MED12L: variants seen among roughly 807,000 people sequenced by gnomAD.
The protein encoded by MED12L is mediator complex subunit 12L, also known as mediator of RNA polymerase II transcription subunit 12-like protein.
Under a neutral mutation model 281.3 loss-of-function variants are expected in MED12L, and 60 were observed. The ratio of observed to expected loss-of-function variants is 0.21; its 90% CI spans 0.17 to 0.26. The LOEUF is 0.26. Ranked by LOEUF, MED12L falls within the 10% of genes least tolerant of loss-of-function variation. The probability of loss-of-function intolerance (pLI) is 1.00; values close to 1 mark genes in which losing one functional copy is unlikely to be tolerated. For synonymous variants in MED12L, 974 were observed against 987.2 expected, an observed-to-expected ratio of 0.99 and a Z score of 0.25; for missense variants, 2,146 against 2,680.9, an observed-to-expected ratio of 0.80 and a Z score of 4.41.
Position 151,243,975 on chromosome 3 carries a change from T to C in MED12L, c.2250+50309T>C, listed in dbSNP as rs1347503292. Among the ~76,000 whole-genome samples the C allele has an allele frequency of 2.2e-3, 314 of 144,340 alleles. 1 individual carries two copies. Among genetic ancestry groups the C allele is most frequent in the African/African-American group, 7.3e-3 (292 of 39,828 alleles). The allele number at this position is 144,340 out of a possible 152,430, so 94.7% of individuals were successfully genotyped here. A position where few individuals can be genotyped will look rare whatever the true frequency, so the allele number is the denominator to read the frequency against. ...AGGCAGGGGTTGCAATACTAGTCTCTGATAAAACAGACTTTAAACCAACAA... is the reference window on the plus strand; with the variant it reads ...AGGCAGGGGTTGCAATACTAGTCTCCGATAAAACAGACTTTAAACCAACAA... On this transcript the variant is annotated intron_variant, in intron 16 of 44. Transcript: ENST00000687756.
intron 8 of MED12L, among the ~76,000 whole-genome samples, chr3:151,162,927 C>G (rs998433468): frequency 6.6e-6 from 1 of 152,120 alleles, no homozygotes; most frequent in African/African-American, 2.4e-5. Flanking sequence ...ATAGTTCTTA[C>G]TTCATTGCCT....
At chr3:151,103,605 C>A (rs887847837) in intron 2 of MED12L, among the ~76,000 whole-genome samples, 1 of 152,160 alleles carries the variant, frequency 6.6e-6, no homozygotes, top group South Asian at 2.1e-4. Flanking sequence ...TACAAAAGAT[C>A]ATAATTATAA....
intron 16 of MED12L, among the ~76,000 whole-genome samples, chr3:151,283,700 T>C (rs894745547): frequency 6.6e-6 from 1 of 152,244 alleles, no homozygotes; most frequent in Non-Finnish European, 1.5e-5. Context: ...ATTGAATATC[T>C]GTAACCAAAA....
intron 39 of MED12L, among the ~76,000 whole-genome samples, chr3:151,401,292 T>A (rs1329418557): frequency 6.7e-6 from 1 of 150,200 alleles, no homozygotes; most frequent in Non-Finnish European, 1.5e-5. Flanking sequence ...TTTTTTTTTT[T>A]AACTGTTAAC....
chr3:151,272,065 G>A (rs1003655103), intron 16 of MED12L, among the ~76,000 whole-genome samples: 3 of 152,230 alleles, frequency 2.0e-5, no homozygotes, highest in Non-Finnish European at 4.4e-5. Context: ...CAGATGTTGA[G>A]CATACACAGA....
intron 16 of MED12L, among the ~76,000 whole-genome samples, chr3:151,235,975 GT>G (rs1230654777): frequency 6.6e-6 from 1 of 152,084 alleles, no homozygotes; most frequent in African/African-American, 2.4e-5. Context: ...AGTAATTGTG[GT>G]TTTTGTGATG....
intron 16 of MED12L, among the ~76,000 whole-genome samples, chr3:151,220,074 G>C: frequency 6.7e-6 from 1 of 148,824 alleles, no homozygotes; most frequent in Non-Finnish European, 1.5e-5. Flanking sequence ...TTTGGGAGCT[G>C]TCCTATGCAT....
At chr3:151,198,191 G>GT in intron 16 of MED12L, 1 of 367,082 alleles carries the variant, frequency 2.7e-6, no homozygotes, top group African/African-American at 2.1e-5. Flanking sequence ...TTCGTTCAAT[G>GT]AGACTCTTTA....
At position 151,411,294 on chromosome 3, in the gene MED12L, A is replaced by C; in HGVS notation, c.5927A>C (p.Tyr1976Ser). ...TACCTGCAGACCATGCCACAGGGCTATACAATGTATGGGACACAGATGCCT... is the reference window on the plus strand; with the variant it reads ...TACCTGCAGACCATGCCACAGGGCTCTACAATGTATGGGACACAGATGCCT... ...LQQAQTMPQG[Y>S]TMYGTQMPLQ... is the part of the protein sequence containing the mutation. The change falls in exon 41 of 45, where the codon TAT becomes TCT. Residue 1976 changes from tyrosine to serine, a missense_variant. Physicochemically the swap from Tyr to Ser is moderately radical, Grantham distance 144. Coordinates refer to ENST00000687756, the MANE Select transcript of MED12L (RefSeq NM_001393769.1). 6.2e-7 allele frequency: 1 copy of C among 1,614,226 alleles called. No homozygotes were observed. The highest frequency in any genetic ancestry group is 8.5e-7 in the Non-Finnish European group (1 of 1,180,034).
chr3:151,322,870 G>C (rs1164109479), intron 16 of MED12L, among the ~76,000 whole-genome samples: 2 of 151,802 alleles, frequency 1.3e-5, no homozygotes, highest in East Asian at 1.9e-4. Context: ...TTCTCTCCCT[G>C]TCTCAAAAAA....
intron 27 of MED12L, among the ~76,000 whole-genome samples, chr3:151,375,243 T>C (rs1466560471): frequency 6.6e-6 from 1 of 152,220 alleles, no homozygotes; most frequent in Non-Finnish European, 1.5e-5. Flanking sequence ...TCCCAGGTAA[T>C]TTTAGTGGGC....
At chr3:151,356,841 TG>T (rs1341162361) in intron 19 of MED12L, among the ~76,000 whole-genome samples, 1 of 152,190 alleles carries the variant, frequency 6.6e-6, no homozygotes, top group African/African-American at 2.4e-5. Context: ...TGGTTTCCTT[TG>T]TTTATTTTAT....
intron 38 of MED12L, among the ~76,000 whole-genome samples, chr3:151,391,993 T>C (rs1714292638): frequency 6.6e-6 from 1 of 152,194 alleles, no homozygotes; most frequent in South Asian, 2.1e-4. Flanking sequence ...TTTTAAACTT[T>C]GGAGATGTAG....
chr3:151,294,527 A>T, intron 16 of MED12L: 1 of 1,614,160 alleles, frequency 6.2e-7, no homozygotes, highest in South Asian at 1.1e-5. Context: ...CTGACTTATG[A>T]ATTGCCTGCT....
intron 5 of MED12L, among the ~76,000 whole-genome samples, chr3:151,135,950 G>T (rs567556480): frequency 6.6e-6 from 1 of 152,132 alleles, no homozygotes; most frequent in Non-Finnish European, 1.5e-5. Flanking sequence ...CATATCATGC[G>T]CATGAGGTCT....
intron 3 of MED12L, among the ~76,000 whole-genome samples, chr3:151,119,125 A>G (rs1011704212): frequency 1.3e-5 from 2 of 152,238 alleles, no homozygotes; most frequent in East Asian, 1.9e-4. Context: ...TATGTGCTGT[A>G]ATTGACTGAA....
At chr3:151,276,753 A>G (rs935669234) in intron 16 of MED12L, among the ~76,000 whole-genome samples, 1 of 152,100 alleles carries the variant, frequency 6.6e-6, no homozygotes, top group Non-Finnish European at 1.5e-5. Context: ...GGATAGTCAC[A>G]CCCTCTGTAC....
chr3:151,228,554 C>A (rs1308123127), intron 16 of MED12L, among the ~76,000 whole-genome samples: 1 of 152,190 alleles, frequency 6.6e-6, no homozygotes, highest in African/African-American at 2.4e-5. Flanking sequence ...CTCTGAGCTT[C>A]CTCCAGTATG....
chr3:151,267,956 A>C (rs980134214), intron 16 of MED12L, among the ~76,000 whole-genome samples: 1 of 152,180 alleles, frequency 6.6e-6, no homozygotes, highest in Non-Finnish European at 1.5e-5. Context: ...CTATTATCCT[A>C]ATTTATGAAT....
Sources: allele counts gnomAD v4.1 joint callset (sites outside exome capture counted in the v4.1 genomes callset), GRCh38; gene constraint gnomAD v4.1.1; transcripts MANE v1.5; gene names NCBI Gene and HGNC (gene_info 2026-07-23, HGNC 2026-07-21).